EIF2B5: variants seen among roughly 807,000 people sequenced by gnomAD.
EIF2B5 encodes the protein translation initiation factor eIF2B subunit epsilon.
In EIF2B5, 38 loss-of-function variants were observed where a neutral mutation model predicts 87.3. The observed-to-expected ratio is 0.44, with a 90% CI of 0.34 to 0.57. EIF2B5 has a LOEUF of 0.57. Ranked by LOEUF, EIF2B5 falls within the 20% of genes least tolerant of loss-of-function variation. EIF2B5 has a pLI of 0.02. For missense variants in EIF2B5, 784 were observed against 909.5 expected, an observed-to-expected ratio of 0.86 and a Z score of 1.78; for synonymous variants, 313 against 339.6, an observed-to-expected ratio of 0.92 and a Z score of 0.86.
chr3:184,136,142 A>G lies in EIF2B5; in HGVS notation c.196-470A>G, dbSNP rs189748110. ...TGGGTCGTTCAGCAGTCAGTTCAGAAAGAGGGAACTGCATTGGATTTAAGG... is the reference window on the plus strand; with the variant it reads ...TGGGTCGTTCAGCAGTCAGTTCAGAGAGAGGGAACTGCATTGGATTTAAGG... On this transcript the variant is annotated intron_variant, in intron 1 of 15. Coordinates refer to ENST00000648915, the MANE Select transcript of EIF2B5 (RefSeq NM_003907.3). Among the ~76,000 whole-genome samples the G allele has an allele frequency of 1.1e-3, 164 of 152,288 alleles. 1 individual carries two copies. The highest frequency in any genetic ancestry group is 3.9e-3 in the African/African-American group (161 of 41,572).
chr3:184,142,422 C>T lies in EIF2B5; in HGVS notation c.1444+44C>T. The T allele has an allele frequency of 6.2e-7, 1 of 1,614,198 alleles. No individual in the cohort carries two copies. Among genetic ancestry groups the T allele is most frequent in the Non-Finnish European group, 8.5e-7 (1 of 1,180,044 alleles). On this transcript the variant is annotated intron_variant, in intron 9 of 15. Transcript: ENST00000648915. The surrounding 1 kb of genome is among the most constrained non-coding windows in gnomAD (Gnocchi z 5.0). ...GTGGGGCATCTGTGTGTCTCGCTGC[C>T]TCATAGAAGAACCAGTGTTTCCTCC...
rs761413122 is a variant in EIF2B5 at position 184,142,551 on chromosome 3, A to G, written c.1494A>G (p.Lys498=). 1.2e-6 allele frequency: 2 copies of G among 1,614,208 alleles called. No individual in the cohort carries two copies. The highest frequency in any genetic ancestry group is 4.5e-5 in the East Asian group (2 of 44,878). Residue 498 remains lysine, a synonymous_variant, in exon 10 of 16, where the codon AAA becomes AAG. Coordinates refer to ENST00000648915, the MANE Select transcript of EIF2B5 (RefSeq NM_003907.3). The surrounding 1 kb of genome is among the most constrained non-coding windows in gnomAD (Gnocchi z 5.0). Reference sequence around the variant, plus strand: ...CTGCTGGCAAGGGCTACCTCTGGAAAGCTGCAGGCATGAACATGGAGGAAG... The same window carrying G: ...CTGCTGGCAAGGGCTACCTCTGGAAGGCTGCAGGCATGAACATGGAGGAAG... ...VGAAGKGYLW[K]AAGMNMEEEE...
Position 184,138,224 on chromosome 3 carries a change from A to T in EIF2B5, c.743A>T (p.His248Leu). 6.2e-7 allele frequency: 1 copy of T among 1,614,014 alleles called. No homozygotes were observed. Among genetic ancestry groups the T allele is most frequent in the Non-Finnish European group, 8.5e-7 (1 of 1,180,046 alleles). ...VEVRYDLLDC[H>L]ISICSPQVAQ... is the part of the protein sequence containing the mutation. ...GTTCGATATGATTTACTGGATTGTCATATCAGCATCTGTTCTCCTCAGGTG... is the reference window on the plus strand; with the variant it reads ...GTTCGATATGATTTACTGGATTGTCTTATCAGCATCTGTTCTCCTCAGGTG... Residue 248 changes from histidine to leucine, a missense_variant, in exon 5 of 16, where the codon CAT (histidine) becomes CTT (leucine). Physicochemically the swap from His to Leu is moderately conservative, Grantham distance 99. This residue lies in a region of EIF2B5 where 660 missense variants were observed against 789.5 expected (regional missense o/e 0.84). Transcript: ENST00000648915.
chr3:184,142,762 C>A lies in EIF2B5; in HGVS notation c.1547-17C>A, dbSNP rs764994104. The A allele has an allele frequency of 6.2e-6, 10 of 1,610,510 alleles. No individual in the cohort carries two copies. The highest frequency in any genetic ancestry group is 7.6e-6 in the Non-Finnish European group (9 of 1,177,708). On this transcript the variant is annotated splice_polypyrimidine_tract_variant and intron_variant, in intron 10 of 15. Coordinates refer to ENST00000648915, the MANE Select transcript of EIF2B5 (RefSeq NM_003907.3). The surrounding 1 kb of genome is among the most constrained non-coding windows in gnomAD (Gnocchi z 5.0). ...TGACTCTTTTTTTCTTTTTCCTCAC[C>A]CATTATGGCTTCTCAGGACTCAAGA...
rs113994043 is a variant in EIF2B5, at chr3:184,135,551, T to G, written c.166T>G (p.Phe56Val). 9 of 1,590,944 alleles carry G rather than the reference T, an allele frequency of 5.7e-6. No homozygotes were observed. Among genetic ancestry groups the G allele is most frequent in the Non-Finnish European group, 7.7e-6 (9 of 1,169,954 alleles). ...VLVADSFDRR[F>V]FPISKDQPRV... is the part of the protein sequence containing the mutation. ...GGTGGCCGATAGCTTCGATCGCCGC[T>G]TCTTCCCCATCTCCAAGGACCAGCC... is the stretch of plus-strand genomic sequence containing the variant. Residue 56 changes from phenylalanine to valine, a missense_variant, in exon 1 of 16, where the codon TTC (phenylalanine) becomes GTC (valine). By Grantham distance (50) the Phe-to-Val change is conservative. This residue lies in a region of EIF2B5 where 117 missense variants were observed against 101.0 expected (regional missense o/e 1.16). Coordinates refer to ENST00000648915, the MANE Select transcript of EIF2B5 (RefSeq NM_003907.3).
intron 2 of EIF2B5, chr3:184,137,265 C>T (rs1435276399): frequency 5.0e-6 from 2 of 397,382 alleles, no homozygotes; most frequent in Non-Finnish European, 9.5e-6. Flanking sequence ...CAGACAGTTC[C>T]TAAATGTTAT....
chr3:184,141,885 G>A, intron 7 of EIF2B5, 40 bp from the exon 8 acceptor site: 1 of 1,613,228 alleles, frequency 6.2e-7, no homozygotes, highest in South Asian at 1.1e-5. Flanking sequence ...TCTGCGGTTG[G>A]AACCCTGAGT....
In EIF2B5 at chr3:184,142,477, C is replaced by T. The variant is rs750333104; in HGVS notation, c.1445-25C>T. The T allele has an allele frequency of 6.2e-7, 1 of 1,614,074 alleles. No individual in the cohort carries two copies. The highest frequency in any genetic ancestry group is 8.5e-7 in the Non-Finnish European group (1 of 1,180,020). On this transcript the variant is annotated intron_variant, in intron 9 of 15. Transcript: ENST00000648915. The surrounding 1 kb of genome is among the most constrained non-coding windows in gnomAD (Gnocchi z 5.0). Reference sequence around the variant, plus strand: ...GGGATTGGTGCTTCCGCCGGGCCCTCTCTATAGATCATTGCCTTTTCCAGG... The same window carrying T: ...GGGATTGGTGCTTCCGCCGGGCCCTTTCTATAGATCATTGCCTTTTCCAGG...
At chr3:184,137,203 T>C (rs1713403433) in intron 2 of EIF2B5, 1 of 342,380 alleles carries the variant, frequency 2.9e-6, no homozygotes, top group Admixed American at 4.7e-5. Flanking sequence ...GGGAATCGCA[T>C]TGCTTATGGA....
At chr3:184,136,952 CTTGG>C in intron 2 of EIF2B5, 1 of 648,794 alleles carries the variant, frequency 1.5e-6, no homozygotes, top group Non-Finnish European at 2.6e-6. Flanking sequence ...AAAGAATAAA[CTTGG>C]GTTTTTTCTG....
intron 12 of EIF2B5, 135 bp downstream of exon 12, chr3:184,143,277 G>A: frequency 6.9e-7 from 1 of 1,448,816 alleles, no homozygotes. Context: ...TTTGGAGCAA[G>A]GAGAGCATTA....
At chr3:184,143,005 A>C in intron 11 of EIF2B5, 47 bp from the exon 12 acceptor site, 1 of 1,595,576 alleles carries the variant, frequency 6.3e-7, no homozygotes, top group East Asian at 2.2e-5. Context: ...GACTTAGAGC[A>C]TTCTGAATGA....
rs760027991 is a variant in EIF2B5 at position 184,142,508 on chromosome 3, A to G, written c.1451A>G (p.Asn484Ser). 2.5e-6 allele frequency: 4 copies of G among 1,614,132 alleles called. No individual in the cohort carries two copies. The Admixed American group carries it at 5.0e-5, about 20-fold the overall frequency. ...AGATCATTGCCTTTTCCAGGTTACA[A>G]TCCAGCAGAAGTAGGAGCTGCTGGC... is the stretch of plus-strand genomic sequence containing the variant. ...EKDKVKMKGYNPAEVGAAGKG... is the reference protein window; with the variant it reads ...EKDKVKMKGYSPAEVGAAGKG... Residue 484 changes from asparagine (N) to serine (S), a missense_variant, in exon 10 of 16, where the codon AAT (asparagine) becomes AGT (serine). Asn to Ser is a conservative substitution (Grantham distance 46, BLOSUM62 1). This residue lies in a region of EIF2B5 where 660 missense variants were observed against 789.5 expected (regional missense o/e 0.84). Coordinates refer to ENST00000648915, the MANE Select transcript of EIF2B5 (RefSeq NM_003907.3). This position sits in a 1 kb window ranked among gnomAD's most constrained non-coding sequence, Gnocchi z 5.0.
At chr3:184,135,679 C>T in intron 1 of EIF2B5, 99 bp downstream of exon 1, 1 of 1,465,274 alleles carries the variant, frequency 6.8e-7, no homozygotes, top group Non-Finnish European at 9.3e-7. Context: ...CCTTGAAGGA[C>T]CTGCGTCTAT....
At chr3:184,135,746 C>A in intron 1 of EIF2B5, 166 bp downstream of exon 1, 1 of 949,200 alleles carries the variant, frequency 1.1e-6, no homozygotes, top group Non-Finnish European at 1.6e-6. Context: ...GACTGCTGAC[C>A]AAGTTAGTGG....
Position 184,142,212 on chromosome 3 carries a change from G to A in EIF2B5, c.1303-25G>A, listed in dbSNP as rs371068931. ...ATGCACTTTTCCTCCACACCCTAATGGTTCTGTGTTTTTTTTCCCCTTAGG... is the reference window on the plus strand; with the variant it reads ...ATGCACTTTTCCTCCACACCCTAATAGTTCTGTGTTTTTTTTCCCCTTAGG... On this transcript the variant is annotated intron_variant, in intron 8 of 15. Coordinates refer to ENST00000648915, the MANE Select transcript of EIF2B5 (RefSeq NM_003907.3). This position sits in a 1 kb window ranked among gnomAD's most constrained non-coding sequence, Gnocchi z 5.0. 1.7e-5 allele frequency: 27 copies of A among 1,614,024 alleles called. No homozygotes were observed. The African/African-American group carries it at 3.1e-4, about 18-fold the overall frequency.
In EIF2B5 at chr3:184,142,916, C is replaced by G. The variant is rs1364722215; in HGVS notation, c.1654+30C>G. 6.3e-7 allele frequency: 1 copy of G among 1,594,982 alleles called. No individual in the cohort carries two copies. The highest frequency in any genetic ancestry group is 8.6e-7 in the Non-Finnish European group (1 of 1,166,604). The stretch of plus-strand genomic sequence containing the variant: ...GTGGCAGGGGAGAAATGCGCTGGAC[C>G]AGTTTATTCTCTGCCTGGATCAACT... On this transcript the variant is annotated intron_variant, in intron 11 of 15. Coordinates refer to ENST00000648915, the MANE Select transcript of EIF2B5 (RefSeq NM_003907.3). The surrounding 1 kb of genome is among the most constrained non-coding windows in gnomAD (Gnocchi z 5.0).
intron 3 of EIF2B5, 22 bp from the exon 4 acceptor site, chr3:184,137,876 C>T: frequency 2.5e-6 from 4 of 1,614,178 alleles, no homozygotes; most frequent in Non-Finnish European, 3.4e-6. Flanking sequence ...TTTTGCAGTT[C>T]TGTCCCTCCT....
chr3:184,138,718 A>T (rs1713476123), intron 5 of EIF2B5: 1 of 221,538 alleles, frequency 4.5e-6, no homozygotes, highest in African/African-American at 2.4e-5. Flanking sequence ...CCCAGGCTGG[A>T]GCACAGTGGC....
Sources: allele counts gnomAD v4.1 joint callset (sites outside exome capture counted in the v4.1 genomes callset), GRCh38; gene constraint gnomAD v4.1.1; regional missense constraint gnomAD v4.1.1; non-coding constraint Gnocchi (gnomAD v3.1); transcripts MANE v1.5; gene names NCBI Gene and HGNC (gene_info 2026-07-23, HGNC 2026-07-21).